CEMIP2: variants seen among roughly 807,000 people sequenced by gnomAD.
The protein encoded by CEMIP2 is cell surface hyaluronidase CEMIP2.
CEMIP2 carries 79 observed loss-of-function variants against 146.9 expected under a neutral mutation model. The ratio of observed to expected loss-of-function variants is 0.54; its 90% CI spans 0.45 to 0.65. The LOEUF (loss-of-function observed/expected upper bound fraction) is 0.65. Among genes scored for constraint, CEMIP2 ranks in the 30% least tolerant of loss-of-function variants. The pLI is 0.00. For missense variants in CEMIP2, 1,596 were observed against 1,696.2 expected (o/e 0.94, Z 1.04); for synonymous variants, 601 against 606.3 (o/e 0.99, Z 0.13).
At chr9:71,714,828 T>C (rs746090417) in intron 15 of CEMIP2, 106 bp downstream of exon 15, 45 of 1,165,030 alleles carry the variant, frequency 3.9e-5, no homozygotes, top group Admixed American at 5.2e-5. Context: ...GAAAAGAGTC[T>C]CATGGTAGGA....
chr9:71,760,866 T>C (rs1051368475), intron 1 of CEMIP2, among the ~76,000 whole-genome samples: 2 of 152,284 alleles, frequency 1.3e-5, no homozygotes, highest in African/African-American at 4.8e-5. Flanking sequence ...TCGTTGTACC[T>C]ACCAGTCATT....
chr9:71,715,124 T>C (rs768880003), intron 14 of CEMIP2, 35 bp from the exon 15 acceptor site: 7 of 1,602,170 alleles, frequency 4.4e-6, no homozygotes, highest in Non-Finnish European at 6.0e-6. Context: ...GCTACATTTC[T>C]CCAGAAAATT....
chr9:71,707,345 T>C (rs1364619708), intron 17 of CEMIP2, among the ~76,000 whole-genome samples: 1 of 151,962 alleles, frequency 6.6e-6, no homozygotes, highest in Non-Finnish European at 1.5e-5. Flanking sequence ...TTTTTTTTAG[T>C]ATTTTTTATT....
Position 71,698,216 on chromosome 9 carries a change from A to G in CEMIP2, c.3378-12T>C, listed in dbSNP as rs1822457970. The stretch of plus-strand genomic sequence containing the variant: ...ACAAAAACAGTAACCTGCACAAAAC[A>G]GAAACCAATCCATGTAGTTAGACTT... On this transcript the variant is annotated splice_polypyrimidine_tract_variant and intron_variant, in intron 19 of 23. Coordinates refer to ENST00000377044, the MANE Select transcript of CEMIP2 (RefSeq NM_013390.3). 9 of 1,612,054 alleles carry G rather than the reference A, an allele frequency of 5.6e-6. No individual in the cohort carries two copies. Among genetic ancestry groups the G allele is most frequent in the Admixed American group, 1.7e-5 (1 of 59,904 alleles).
At chr9:71,687,543 G>C (rs1589122546) in intron 22 of CEMIP2, 1 of 151,000 alleles carries the variant, frequency 6.6e-6, no homozygotes, top group Admixed American at 6.6e-5. Flanking sequence ...AAATGTTCTT[G>C]GCCAGCCGGG....
At chr9:71,740,681 C>G (rs1320979492) in intron 4 of CEMIP2, among the ~76,000 whole-genome samples, 1 of 152,128 alleles carries the variant, frequency 6.6e-6, no homozygotes, top group Non-Finnish European at 1.5e-5. Flanking sequence ...AGACCCCATC[C>G]CAGATAAAGG....
rs879123222 is a variant in CEMIP2 at position 71,739,948 on chromosome 9, GT to G, written c.1204+114del. ...GAAAACTAAGTTTCAACTTCAACTAGTTGAGAAATCTAACCAGGCGGACTGT... is the reference window on the plus strand; with the variant it reads ...GAAAACTAAGTTTCAACTTCAACTAGTGAGAAATCTAACCAGGCGGACTGT... On this transcript the variant is annotated intron_variant, in intron 5 of 23. Coordinates refer to ENST00000377044, the MANE Select transcript of CEMIP2 (RefSeq NM_013390.3). 25 of 994,504 alleles carry G rather than the reference GT, an allele frequency of 2.5e-5. No homozygotes were observed. The East Asian group carries it at 3.5e-4, about 14-fold the overall frequency. 61.6% of individuals were successfully genotyped at this position (994,504 alleles called of 1,614,324 possible).
At chr9:71,687,876 G>C (rs1822114691) in intron 22 of CEMIP2, among the ~76,000 whole-genome samples, 1 of 152,040 alleles carries the variant, frequency 6.6e-6, no homozygotes, top group Admixed American at 6.6e-5. Context: ...TTTTTTTAGA[G>C]ATAGGGTCCT....
In CEMIP2 at chr9:71,683,902, G is replaced by T. The variant is rs376007736; in HGVS notation, c.*1295C>A. ...GCCATCCCTCCTCTACACTTTATGCGTCGGGGGTTTAGAACAACGTAAAGG... is the reference window on the plus strand; with the variant it reads ...GCCATCCCTCCTCTACACTTTATGCTTCGGGGGTTTAGAACAACGTAAAGG... On this transcript the variant is annotated 3_prime_UTR_variant, in exon 24 of 24. Transcript: ENST00000377044. The T allele has an allele frequency of 6.6e-6, 1 of 152,360 alleles. No individual in the cohort carries two copies. The highest frequency in any genetic ancestry group is 1.5e-5 in the Non-Finnish European group (1 of 68,050). The allele number at this position is 152,360 out of a possible 1,614,324, so 9.4% of individuals were successfully genotyped here. A position where few individuals can be genotyped will look rare whatever the true frequency, so the allele number is the denominator to read the frequency against.
intron 15 of CEMIP2, 57 bp downstream of exon 15, chr9:71,714,877 G>A: frequency 6.4e-7 from 1 of 1,567,048 alleles, no homozygotes; most frequent in Non-Finnish European, 8.7e-7. Flanking sequence ...CTTCCCTGAG[G>A]GTTAGGTTTT....
chr9:71,724,186 T>C (rs889519449), intron 11 of CEMIP2, among the ~76,000 whole-genome samples: 5 of 151,918 alleles, frequency 3.3e-5, no homozygotes, highest in Non-Finnish European at 4.4e-5. Flanking sequence ...TCCAAGCTAC[T>C]CAGGAGGCTG....
chr9:71,707,459 T>C (rs1463023886), intron 17 of CEMIP2, among the ~76,000 whole-genome samples: 1 of 152,194 alleles, frequency 6.6e-6, no homozygotes, highest in Non-Finnish European at 1.5e-5. Context: ...AAGCCCTTTG[T>C]TTAGTCTATA....
rs114535507 is a variant in CEMIP2, at chr9:71,748,887, A to G, written c.331+1156T>C. Among the ~76,000 whole-genome samples, 717 of 152,350 alleles carry G rather than the reference A, an allele frequency of 4.7e-3. 12 individuals are homozygous for G. The highest frequency in any genetic ancestry group is 0.016 in the African/African-American group (678 of 41,586). On this transcript the variant is annotated intron_variant, in intron 2 of 23. Transcript: ENST00000377044. The stretch of plus-strand genomic sequence containing the variant: ...AAATAATAAAGTATTTGTAAGTCTT[A>G]TAAGTAGTAAAATGCCTCTGAACTG...
intron 2 of CEMIP2, among the ~76,000 whole-genome samples, chr9:71,747,708 T>C (rs1293876869): frequency 2.0e-5 from 3 of 152,086 alleles, no homozygotes; most frequent in Non-Finnish European, 4.4e-5. Context: ...CATATTGTTC[T>C]ATACAGAAAA....
chr9:71,760,241 A>G (rs1270792912), intron 1 of CEMIP2, among the ~76,000 whole-genome samples: 1 of 152,244 alleles, frequency 6.6e-6, no homozygotes, highest in East Asian at 1.9e-4. Flanking sequence ...AGAAATGCCT[A>G]TGGTCTGTAT....
intron 2 of CEMIP2, among the ~76,000 whole-genome samples, chr9:71,749,048 T>C (rs1371777538): frequency 6.6e-6 from 1 of 152,232 alleles, no homozygotes; most frequent in Non-Finnish European, 1.5e-5. Context: ...TGGTATTCTT[T>C]TATGAGGCAA....
chr9:71,737,407 C>CA (rs1206435582), intron 5 of CEMIP2, among the ~76,000 whole-genome samples: 132 of 87,396 alleles, frequency 1.5e-3, no homozygotes, highest in East Asian at 2.1e-3. Flanking sequence ...GACTCCGTCT[C>CA]AAAAAAAAAA....
chr9:71,721,148 A>AT (rs1212054285), intron 12 of CEMIP2, among the ~76,000 whole-genome samples: 1 of 152,032 alleles, frequency 6.6e-6, no homozygotes, highest in Non-Finnish European at 1.5e-5. Flanking sequence ...GTGTTTATGG[A>AT]TTTTTTGGCA....
chr9:71,744,136 AG>A (rs1355496573), intron 4 of CEMIP2, among the ~76,000 whole-genome samples: 1 of 152,134 alleles, frequency 6.6e-6, no homozygotes, highest in African/African-American at 2.4e-5. Flanking sequence ...ATGTTTTGGG[AG>A]GGTGAGGCAG....
Sources: allele counts gnomAD v4.1 joint callset (sites outside exome capture counted in the v4.1 genomes callset), GRCh38; gene constraint gnomAD v4.1.1; transcripts MANE v1.5; gene names NCBI Gene and HGNC (gene_info 2026-07-23, HGNC 2026-07-21).